PSD3: variants seen among roughly 807,000 people sequenced by gnomAD.
PSD3 encodes pleckstrin and Sec7 domain containing 3.
Under a neutral mutation model 105.5 loss-of-function variants are expected in PSD3, and 49 were observed. That is an observed-to-expected ratio of 0.46 (90% CI 0.37 to 0.59). PSD3 has a LOEUF of 0.59. Ranked by LOEUF, PSD3 falls within the 20% of genes least tolerant of loss-of-function variation. PSD3 has a pLI of 0.00. For synonymous variants in PSD3, 557 were observed against 457.8 expected, an observed-to-expected ratio of 1.22 and a Z score of -2.77; for missense variants, 1,561 against 1,263.8, an observed-to-expected ratio of 1.24 and a Z score of -3.57.
chr8:18,555,476 T>G (rs1262886884), intron 15 of PSD3, among the ~76,000 whole-genome samples: 1 of 152,212 alleles, frequency 6.6e-6, no homozygotes, highest in African/African-American at 2.4e-5. Flanking sequence ...TAATTAATTC[T>G]TTTTATTTTG....
chr8:18,854,044 A>G (rs1213330628), intron 4 of PSD3: 2 of 151,620 alleles, frequency 1.3e-5, no homozygotes, highest in African/African-American at 2.4e-5. Flanking sequence ...ACAATTATAC[A>G]TAATCCAGCA....
intron 1 of PSD3, among the ~76,000 whole-genome samples, chr8:19,075,788 G>A (rs551912325): frequency 7.9e-5 from 12 of 152,278 alleles, no homozygotes; most frequent in Non-Finnish European, 1.6e-4. Context: ...CTCTTTGCAT[G>A]TATGTTTATC....
chr8:19,057,840 G>T (rs1828761913), intron 1 of PSD3, among the ~76,000 whole-genome samples: 1 of 152,164 alleles, frequency 6.6e-6, no homozygotes, highest in Admixed American at 6.5e-5. Context: ...ATTGCTGGTG[G>T]GCGTGCAAAA....
At chr8:18,947,805 C>G (rs994781618) in intron 1 of PSD3, among the ~76,000 whole-genome samples, 6 of 152,114 alleles carry the variant, frequency 3.9e-5, no homozygotes, top group Non-Finnish European at 8.8e-5. Flanking sequence ...GGGCTTCTTA[C>G]CAATGGTGGT....
At chr8:18,576,951 T>G (rs1177448950) in intron 12 of PSD3, among the ~76,000 whole-genome samples, 5 of 152,172 alleles carry the variant, frequency 3.3e-5, no homozygotes, top group African/African-American at 1.2e-4. Context: ...CTCTTCCCTA[T>G]TTTCTTTGAA....
intron 9 of PSD3, among the ~76,000 whole-genome samples, chr8:18,671,638 TG>T (rs1799788467): frequency 6.7e-6 from 1 of 149,506 alleles, no homozygotes; most frequent in Non-Finnish European, 1.5e-5. Flanking sequence ...TTTTGTTTTT[TG>T]TTTTTTTTTT....
intron 9 of PSD3, among the ~76,000 whole-genome samples, chr8:18,676,479 C>G (rs973950629): frequency 3.9e-5 from 6 of 152,186 alleles, no homozygotes; most frequent in Non-Finnish European, 5.9e-5. Context: ...AGAAAAGAGC[C>G]ATTCTCTCTG....
At chr8:19,046,590 C>G (rs1828328238) in intron 1 of PSD3, among the ~76,000 whole-genome samples, 1 of 152,168 alleles carries the variant, frequency 6.6e-6, no homozygotes, top group Non-Finnish European at 1.5e-5. Context: ...GTATTCCTTA[C>G]CATTTCTTTC....
At chr8:19,019,643 A>C (rs1166546745) in intron 1 of PSD3, among the ~76,000 whole-genome samples, 1 of 95,148 alleles carries the variant, frequency 1.1e-5, no homozygotes, top group Non-Finnish European at 2.5e-5. Flanking sequence ...GAGGCTCAAC[A>C]AAAAAATTTT....
intron 10 of PSD3, among the ~76,000 whole-genome samples, chr8:18,639,262 C>CT (rs150299126): frequency 0.071 from 10,596 of 148,202 alleles, 487 homozygotes; most frequent in African/African-American, 0.14. Flanking sequence ...TTAAATGTGG[C>CT]TTTTTTTTTT....
chr8:18,568,464 A>T (rs948892414), intron 14 of PSD3, among the ~76,000 whole-genome samples: 1 of 150,046 alleles, frequency 6.7e-6, no homozygotes, highest in Non-Finnish European at 1.5e-5. Context: ...AAATCAAGAG[A>T]CAGTGAGGTG....
At chr8:18,826,730 A>T (rs1813216168) in intron 4 of PSD3, among the ~76,000 whole-genome samples, 1 of 152,228 alleles carries the variant, frequency 6.6e-6, no homozygotes, top group African/African-American at 2.4e-5. Flanking sequence ...TTTGATTTTT[A>T]AAAATCTAAT....
chr8:19,051,081 A>C (rs987239514), intron 1 of PSD3, among the ~76,000 whole-genome samples: 4 of 152,240 alleles, frequency 2.6e-5, no homozygotes, highest in Admixed American at 2.6e-4. Context: ...ACCTCTCCAC[A>C]CTGCAGCTAG....
chr8:18,631,784 A>G (rs1806916924), intron 11 of PSD3, among the ~76,000 whole-genome samples: 2 of 151,960 alleles, frequency 1.3e-5, no homozygotes, highest in Admixed American at 6.6e-5. Context: ...CCCCACTGCA[A>G]TGTTTCTCTC....
At chr8:18,765,883 G>A (rs1038289038) in intron 8 of PSD3, among the ~76,000 whole-genome samples, 2 of 150,824 alleles carry the variant, frequency 1.3e-5, no homozygotes, top group Non-Finnish European at 3.0e-5. Flanking sequence ...CAGGAGAATC[G>A]CTTGAACCCG....
chr8:19,051,190 C>T (rs1828515946), intron 1 of PSD3, among the ~76,000 whole-genome samples: 1 of 152,050 alleles, frequency 6.6e-6, no homozygotes, highest in Non-Finnish European at 1.5e-5. Flanking sequence ...TCCAAGAGAC[C>T]CTCCTCCCTC....
rs201377979 is a variant in PSD3, at chr8:18,570,853, T to C, written c.2784+1675A>G. Among the ~76,000 whole-genome samples, 126 of 149,502 alleles carry C rather than the reference T, an allele frequency of 8.4e-4. 1 individual carries two copies. The East Asian group carries it at 0.011, about 14-fold the overall frequency. ...CTGTCCTGCTTAAAACTATTATTAT[T>C]ATTATTATTATTATTATTATTATTG... On this transcript the variant is annotated intron_variant, in intron 14 of 15. Transcript: ENST00000327040.
intron 11 of PSD3, among the ~76,000 whole-genome samples, chr8:18,610,341 G>C (rs115857772): frequency 6.6e-6 from 1 of 152,166 alleles, no homozygotes; most frequent in Non-Finnish European, 1.5e-5. Context: ...AATCCCAGTG[G>C]TTGTACTTCA....
chr8:18,932,504 A>C (rs985438825), intron 2 of PSD3, among the ~76,000 whole-genome samples: 1 of 152,250 alleles, frequency 6.6e-6, no homozygotes, highest in Non-Finnish European at 1.5e-5. Context: ...AATAACTTCC[A>C]ATTACTGGCA....
Sources: gnomAD v4.1 joint callset for allele counts (sites outside exome capture counted in the v4.1 genomes callset) on GRCh38, gnomAD v4.1.1 for gene constraint, MANE v1.5 for transcripts, NCBI Gene and HGNC (gene_info 2026-07-23, HGNC 2026-07-21) for gene names.